The following HDAC4 variants were observed in gnomAD, a reference collection of about 807,000 sequenced individuals.
HDAC4 encodes histone deacetylase A.
A neutral mutation model predicts 135.1 loss-of-function variants in HDAC4; 16 were observed. The observed-to-expected ratio is 0.12, with a 90% CI of 0.08 to 0.18. HDAC4 has a LOEUF of 0.18. Ranked by LOEUF, HDAC4 falls within the 10% of genes least tolerant of loss-of-function variation. The pLI is 1.00. For missense variants in HDAC4, 1,143 were observed against 1,511.8 expected (o/e 0.76, Z 4.05); for synonymous variants, 685 against 653.4 (o/e 1.05, Z -0.74).
chr2:239,304,056 C>G (rs1176128510), intron 2 of HDAC4, among the ~76,000 whole-genome samples: 1 of 152,242 alleles, frequency 6.6e-6, no homozygotes, highest in Non-Finnish European at 1.5e-5. Flanking sequence ...GCATCAGACC[C>G]CTGTGTGCAG....
intron 5 of HDAC4, 22 bp from the exon 6 acceptor site, chr2:239,163,945 C>T: frequency 6.2e-7 from 1 of 1,613,880 alleles, no homozygotes. Flanking sequence ...GAAAGCATAG[C>T]AGGGGGTGAA....
chr2:239,071,333 T>C (rs1052695153), intron 22 of HDAC4, among the ~76,000 whole-genome samples: 1 of 152,108 alleles, frequency 6.6e-6, no homozygotes, highest in African/African-American at 2.4e-5. Context: ...GAGAATCGCT[T>C]GAACCCAGGA....
intron 2 of HDAC4, among the ~76,000 whole-genome samples, chr2:239,328,447 T>C (rs748866701): frequency 4.6e-5 from 7 of 152,214 alleles, no homozygotes; most frequent in Non-Finnish European, 1.0e-4. Flanking sequence ...AGTGAGGTAC[T>C]TGCTGTCCAG....
At chr2:239,327,798 C>T (rs1313778759) in intron 2 of HDAC4, among the ~76,000 whole-genome samples, 2 of 152,158 alleles carry the variant, frequency 1.3e-5, no homozygotes, top group African/African-American at 4.8e-5. Flanking sequence ...ACACCCTGGC[C>T]AAATTCATGG....
At chr2:239,178,075 GCA>G (rs2043886405) in intron 4 of HDAC4, among the ~76,000 whole-genome samples, 1 of 152,202 alleles carries the variant, frequency 6.6e-6, no homozygotes, top group Admixed American at 6.5e-5. Context: ...GGTTCTGTCT[GCA>G]CACACTTTCC....
At chr2:239,179,432 T>C (rs1410110563) in intron 4 of HDAC4, among the ~76,000 whole-genome samples, 1 of 151,848 alleles carries the variant, frequency 6.6e-6, no homozygotes, top group Non-Finnish European at 1.5e-5. Context: ...CTCACAGGAG[T>C]GTGATCCTGT....
At chr2:239,140,009 T>C (rs566589832) in intron 8 of HDAC4, among the ~76,000 whole-genome samples, 137 of 152,238 alleles carry the variant, frequency 9.0e-4, no homozygotes, top group Non-Finnish European at 1.4e-3. Context: ...TCACTTTTTC[T>C]AGGACATGTA....
chr2:239,123,848 A>G (rs886237966), intron 12 of HDAC4, among the ~76,000 whole-genome samples: 5 of 152,004 alleles, frequency 3.3e-5, no homozygotes, highest in African/African-American at 1.2e-4. Context: ...GGATCCTGGT[A>G]TTTCACTTTC....
At chr2:239,082,786 T>C (rs1046727822) in intron 20 of HDAC4, among the ~76,000 whole-genome samples, 1 of 152,252 alleles carries the variant, frequency 6.6e-6, no homozygotes, top group Non-Finnish European at 1.5e-5. Context: ...GCACCGTTTC[T>C]TAATCACAAA....
In HDAC4 at chr2:239,053,035, T is replaced by G; in HGVS notation, c.*62A>C. The G allele has an allele frequency of 1.2e-6, 2 of 1,601,798 alleles. No homozygotes were observed. Among genetic ancestry groups the G allele is most frequent in the African/African-American group, 1.3e-5 (1 of 74,804 alleles). ...GGGACGCAGGCGTGACACGGGAAAG[T>G]TTCTTGGCTGAGCTTCAAGACAGAG... On this transcript the variant is annotated 3_prime_UTR_variant, in exon 27 of 27. Transcript: ENST00000543185.
intron 13 of HDAC4, among the ~76,000 whole-genome samples, chr2:239,113,015 A>C (rs997320719): frequency 1.3e-5 from 2 of 152,206 alleles, no homozygotes; most frequent in African/African-American, 4.8e-5. Context: ...ACCTGAGGTA[A>C]GGAGTTCGAG....
At chr2:239,149,915 T>A (rs1188825868) in intron 7 of HDAC4, among the ~76,000 whole-genome samples, 1 of 152,106 alleles carries the variant, frequency 6.6e-6, no homozygotes, top group African/African-American at 2.4e-5. Flanking sequence ...TTGCTCAATG[T>A]TTTGGAATAT....
chr2:239,399,160 C>G (rs568093044), intron 1 of HDAC4, among the ~76,000 whole-genome samples: 1 of 152,226 alleles, frequency 6.6e-6, no homozygotes, highest in African/African-American at 2.4e-5. Context: ...TAATTGAACA[C>G]AGATTTTAGA....
At position 239,068,929 on chromosome 2, in the gene HDAC4, A is replaced by AG. The variant is rs201820544; in HGVS notation, c.2751-323dup. ...CTTGGTGAGAGGGAGTCACGGTGCA[A>AG]GCCAGCAAGCCCCACTGCACTTGCT... On this transcript the variant is annotated intron_variant, in intron 22 of 26. Transcript: ENST00000543185. The surrounding 1 kb of genome is among the most constrained non-coding windows in gnomAD (Gnocchi z 4.4). 2.2e-5 allele frequency: 4 copies of AG among 181,334 alleles called. No individual in the cohort carries two copies. In the African/African-American group the frequency reaches 3.0e-4, roughly 14 times the overall value. The allele number at this position is 181,334 out of a possible 1,614,324, so 11.2% of individuals were successfully genotyped here. A position where few individuals can be genotyped will look rare whatever the true frequency, so the allele number is the denominator to read the frequency against.
intron 5 of HDAC4, among the ~76,000 whole-genome samples, chr2:239,169,815 C>T (rs3791527): frequency 0.51 from 78,077 of 151,814 alleles, 20,776 homozygotes; most frequent in South Asian, 0.72. Context: ...CCCTATGCCG[C>T]CCCGTCTCCT....
rs1045273255 is a variant in HDAC4, at chr2:239,262,122, C to T, written c.23-25458G>A. On this transcript the variant is annotated intron_variant, in intron 2 of 26. Transcript: ENST00000543185. This position sits in a 1 kb window ranked among gnomAD's most constrained non-coding sequence, Gnocchi z 4.1. ...ACCACGCCAGCGCCGCCTGCAGTGA[C>T]GCCGGGCCACGCTCACCCCAAGGCC... Among the ~76,000 whole-genome samples, 1 of 152,150 alleles carries T rather than the reference C, an allele frequency of 6.6e-6. No individual in the cohort carries two copies. Among genetic ancestry groups the T allele is most frequent in the South Asian group, 2.1e-4 (1 of 4,832 alleles).
At chr2:239,120,616 G>A (rs578118799) in intron 12 of HDAC4, among the ~76,000 whole-genome samples, 4 of 128,756 alleles carry the variant, frequency 3.1e-5, no homozygotes, top group Non-Finnish European at 6.6e-5. Flanking sequence ...TGGGGGGGCG[G>A]GGAAGGGAAA....
At chr2:239,169,508 G>C (rs1426222992) in intron 5 of HDAC4, among the ~76,000 whole-genome samples, 1 of 152,252 alleles carries the variant, frequency 6.6e-6, no homozygotes, top group Admixed American at 6.5e-5. Context: ...CGCCCAGCAG[G>C]CCGTGGAGCC....
At chr2:239,298,276 C>T in intron 2 of HDAC4, 1 of 1,268,282 alleles carries the variant, frequency 7.9e-7, no homozygotes, top group South Asian at 1.3e-5. Flanking sequence ...GGGCTGGTGC[C>T]CTGGACAAGC....
Sources: gnomAD v4.1 joint callset for allele counts (sites outside exome capture counted in the v4.1 genomes callset) on GRCh38, gnomAD v4.1.1 for gene constraint, Gnocchi (gnomAD v3.1) non-coding constraint, MANE v1.5 for transcripts, NCBI Gene and HGNC (gene_info 2026-07-23, HGNC 2026-07-21) for gene names.